The following ORC3 variants were observed in gnomAD, a reference collection of about 807,000 sequenced individuals.
ORC3 encodes the protein homolog of latheo, Drosophila.
Under a neutral mutation model 100.7 loss-of-function variants are expected in ORC3, and 78 were observed. That is an observed-to-expected ratio of 0.77 (90% CI 0.65 to 0.94). ORC3 has a LOEUF of 0.94. Ranked by LOEUF, ORC3 falls within the 40% of genes least tolerant of loss-of-function variation. The pLI is 0.00. For synonymous variants in ORC3, 295 were observed against 289.3 expected, an observed-to-expected ratio of 1.02 and a Z score of -0.20; for missense variants, 789 against 823.9, an observed-to-expected ratio of 0.96 and a Z score of 0.52.
downstream of ORC3, among the ~76,000 whole-genome samples, chr6:87,672,078 G>T (rs1357556453): frequency 6.6e-6 from 1 of 152,108 alleles, no homozygotes; most frequent in Non-Finnish European, 1.5e-5. Flanking sequence ...TCGTGTTTGG[G>T]GGATGAGGGT....
intron 2 of ORC3, chr6:87,595,348 C>G (rs1777354088): frequency 1.3e-5 from 2 of 152,220 alleles, no homozygotes; most frequent in Admixed American, 1.3e-4. Context: ...AGATTTCTCC[C>G]TATTCTCATT....
downstream of ORC3, among the ~76,000 whole-genome samples, chr6:87,668,652 C>T (rs1770766767): frequency 1.3e-5 from 2 of 152,110 alleles, no homozygotes; most frequent in African/African-American, 4.8e-5. Context: ...GGTAGCTGCT[C>T]ACCCTCCCCA....
intron 13 of ORC3, chr6:87,651,039 A>T: frequency 2.6e-6 from 1 of 385,024 alleles, no homozygotes; most frequent in Non-Finnish European, 5.2e-6. Flanking sequence ...TAAGAGGACT[A>T]ATAACTATTT....
intron 13 of ORC3, among the ~76,000 whole-genome samples, chr6:87,639,825 CAAAAAAAAAAAA>C (rs548788316): frequency 5.1e-5 from 3 of 58,752 alleles, no homozygotes; most frequent in Non-Finnish European, 9.8e-5. Flanking sequence ...GCCAAAAATA[CAAAAAAAAAAAA>C]AAAAAAAAAA....
intron 13 of ORC3, among the ~76,000 whole-genome samples, chr6:87,651,886 T>C (rs1388601854): frequency 6.6e-6 from 1 of 151,584 alleles, no homozygotes; most frequent in Non-Finnish European, 1.5e-5. Flanking sequence ...TGTTACTTCA[T>C]GGTTAATATT....
intron 2 of ORC3, among the ~76,000 whole-genome samples, chr6:87,597,390 C>T (rs1777528680): frequency 6.6e-6 from 1 of 152,046 alleles, no homozygotes; most frequent in African/African-American, 2.4e-5. Context: ...AGATGCTCAA[C>T]CTGTGCCAAT....
intron 13 of ORC3, among the ~76,000 whole-genome samples, chr6:87,642,577 C>A (rs1007716332): frequency 4.1e-5 from 6 of 145,186 alleles, no homozygotes; most frequent in African/African-American, 1.5e-4. Context: ...AGCAAGACTC[C>A]GTCCCAAAAA....
intron 5 of ORC3, among the ~76,000 whole-genome samples, chr6:87,606,343 G>A (rs1195934728): frequency 6.6e-6 from 1 of 152,086 alleles, no homozygotes; most frequent in Non-Finnish European, 1.5e-5. Context: ...GCTGAGAATT[G>A]GGGAATGAGG....
chr6:87,669,072 G>T (rs138400019), downstream of ORC3, among the ~76,000 whole-genome samples: 2 of 152,212 alleles, frequency 1.3e-5, no homozygotes, highest in African/African-American at 4.8e-5. Flanking sequence ...CAGGAGAATC[G>T]CTTAAACCCA....
rs762667940 is a variant in ORC3 at position 87,667,408 on chromosome 6, T to TA, written c.*286dup. The TA allele has an allele frequency of 3.6e-6, 1 of 279,120 alleles. No individual in the cohort carries two copies. The highest frequency in any genetic ancestry group is 6.6e-6 in the Non-Finnish European group (1 of 151,400). 17.3% of individuals were successfully genotyped at this position (279,120 alleles called of 1,614,324 possible). On this transcript the variant is annotated 3_prime_UTR_variant, in exon 20 of 20. Transcript: ENST00000392844. The stretch of plus-strand genomic sequence containing the variant: ...ATTGTGAGTAAATCATTCTTGAACT[T>TA]AGAGTATGTAAATGTAATAAATTCC...
intron 18 of ORC3, among the ~76,000 whole-genome samples, chr6:87,665,241 A>G (rs1303232746): frequency 6.6e-6 from 1 of 152,250 alleles, no homozygotes; most frequent in Admixed American, 6.5e-5. Flanking sequence ...AAAAGAAAAA[A>G]AATTGAAGTA....
chr6:87,664,081 A>G (rs886419320), intron 17 of ORC3, among the ~76,000 whole-genome samples: 2 of 152,308 alleles, frequency 1.3e-5, no homozygotes, highest in Admixed American at 6.5e-5. Context: ...TAAAACTTAC[A>G]AAATCTGTCT....
At chr6:87,592,011 G>A (rs1042266626) in intron 1 of ORC3, among the ~76,000 whole-genome samples, 5 of 152,104 alleles carry the variant, frequency 3.3e-5, no homozygotes, top group South Asian at 2.1e-4. Flanking sequence ...GATTACAGGC[G>A]TGAGCCACCA....
At chr6:87,619,345 T>C (rs763619021) in intron 9 of ORC3, among the ~76,000 whole-genome samples, 73 of 152,246 alleles carry the variant, frequency 4.8e-4, no homozygotes, top group Non-Finnish European at 7.1e-4. Context: ...TATGGTTTCC[T>C]GATAATTTAT....
In ORC3 at chr6:87,667,368, CAA is replaced by C; in HGVS notation, c.*247_*248del. ...TGCTCACACATTTTACTGTACTTTCCAAAGTCATTACTAAATTGTGAGTAAAT... is the reference window on the plus strand; with the variant it reads ...TGCTCACACATTTTACTGTACTTTCCAGTCATTACTAAATTGTGAGTAAAT... On this transcript the variant is annotated 3_prime_UTR_variant, in exon 20 of 20. Coordinates refer to ENST00000392844, the MANE Select transcript of ORC3 (RefSeq NM_012381.4). 1 of 352,058 alleles carries C rather than the reference CAA, an allele frequency of 2.8e-6. No individual in the cohort carries two copies. Among genetic ancestry groups the C allele is most frequent in the African/African-American group, 2.1e-5 (1 of 47,648 alleles). 21.8% of individuals were successfully genotyped at this position (352,058 alleles called of 1,614,324 possible).
intron 1 of ORC3, 109 bp downstream of exon 1, chr6:87,590,301 G>T: frequency 8.3e-7 from 1 of 1,207,944 alleles, no homozygotes; most frequent in South Asian, 1.2e-5. Flanking sequence ...GGAGAGGAGG[G>T]AGGGAGCGGC....
At position 87,634,910 on chromosome 6, in the gene ORC3, A is replaced by G. The variant is rs771063751; in HGVS notation, c.1251A>G (p.Arg417=). The change falls in exon 12 of 20, where the codon AGA becomes AGG. Residue 417 remains arginine, a synonymous_variant. Coordinates refer to ENST00000392844, the MANE Select transcript of ORC3 (RefSeq NM_012381.4). ...VYHMNYFLVL[R]CLHKFTSSLP... The stretch of plus-strand genomic sequence containing the variant: ...ATATGAATTACTTCCTGGTTTTGAG[A>G]TGTCTTCATAAGTTCACCTCTTCTC... 6.2e-7 allele frequency: 1 copy of G among 1,607,732 alleles called. No individual in the cohort carries two copies. The highest frequency in any genetic ancestry group is 1.3e-5 in the African/African-American group (1 of 74,924).
chr6:87,611,267 C>A (rs1562332008), intron 7 of ORC3, among the ~76,000 whole-genome samples: 1 of 152,022 alleles, frequency 6.6e-6, no homozygotes, highest in Non-Finnish European at 1.5e-5. Context: ...AACCATTGCA[C>A]CCAGCCCAGA....
At chr6:87,595,114 A>G (rs1181729654) in intron 2 of ORC3, 1 of 152,240 alleles carries the variant, frequency 6.6e-6, no homozygotes, top group African/African-American at 2.4e-5. Context: ...TTAGGGATAA[A>G]TGCTGTGCAC....
Sources: allele counts gnomAD v4.1 joint callset (sites outside exome capture counted in the v4.1 genomes callset), GRCh38; gene constraint gnomAD v4.1.1; transcripts MANE v1.5; gene names NCBI Gene and HGNC (gene_info 2026-07-23, HGNC 2026-07-21).